The following PITPNA variants were observed in gnomAD, a reference collection of about 807,000 sequenced individuals.
PITPNA encodes phosphatidylinositol transfer protein alpha.
A neutral mutation model predicts 50.3 loss-of-function variants in PITPNA; 13 were observed. The observed-to-expected ratio is 0.26, with a 90% CI of 0.17 to 0.41. The LOEUF (loss-of-function observed/expected upper bound fraction) is 0.41, where lower values mean the gene tolerates loss of function less well. Ranked by LOEUF, PITPNA falls within the 10% of genes least tolerant of loss-of-function variation. The pLI is 1.00. For synonymous variants in PITPNA, 120 were observed against 119.6 expected (o/e 1.00, Z -0.02); for missense variants, 207 against 333.4 (o/e 0.62, Z 2.95).
chr17:1,546,190 A>G (rs1202628707), intron 4 of PITPNA, among the ~76,000 whole-genome samples: 2 of 151,876 alleles, frequency 1.3e-5, no homozygotes, highest in African/African-American at 2.4e-5. Context: ...CAGCCTCTCA[A>G]AGTGCTAGGA....
At chr17:1,541,321 C>T (rs2075646766) in intron 6 of PITPNA, among the ~76,000 whole-genome samples, 1 of 152,064 alleles carries the variant, frequency 6.6e-6, no homozygotes, top group African/African-American at 2.4e-5. Context: ...AGATATAGCT[C>T]CCATGTACCA....
chr17:1,528,085 G>A (rs985198456), intron 10 of PITPNA, among the ~76,000 whole-genome samples: 1 of 152,154 alleles, frequency 6.6e-6, no homozygotes, highest in Admixed American at 6.5e-5. Context: ...CAGCTACTTG[G>A]GAGGCTGAGG....
chr17:1,548,598 C>T (rs564182538), intron 3 of PITPNA, among the ~76,000 whole-genome samples: 33 of 152,234 alleles, frequency 2.2e-4, no homozygotes, highest in African/African-American at 7.5e-4. Flanking sequence ...CCACCAGCCA[C>T]CAGAAACAGG....
intron 10 of PITPNA, 45 bp downstream of exon 10, chr17:1,534,054 C>G: frequency 6.2e-7 from 1 of 1,610,836 alleles, no homozygotes; most frequent in Admixed American, 1.7e-5. Context: ...TCTCCTTAAT[C>G]TTCGTTTGTT....
intron 2 of PITPNA, among the ~76,000 whole-genome samples, chr17:1,557,763 C>T (rs2075743025): frequency 6.6e-6 from 1 of 152,202 alleles, no homozygotes; most frequent in Non-Finnish European, 1.5e-5. Context: ...ATTCCCTGCC[C>T]TTCGTAAAAG....
intron 7 of PITPNA, among the ~76,000 whole-genome samples, chr17:1,537,481 G>A (rs1009632781): frequency 8.5e-5 from 13 of 152,202 alleles, no homozygotes; most frequent in Non-Finnish European, 1.3e-4. Flanking sequence ...TTACAGGCGT[G>A]AGCCAATGTG....
At chr17:1,545,437 T>A (rs894644158) in intron 4 of PITPNA, among the ~76,000 whole-genome samples, 5 of 152,230 alleles carry the variant, frequency 3.3e-5, no homozygotes, top group Non-Finnish European at 7.3e-5. Context: ...CCTGCTGGTA[T>A]CTCTTATTTT....
intron 5 of PITPNA, among the ~76,000 whole-genome samples, chr17:1,542,250 C>T (rs1280448049): frequency 1.3e-5 from 2 of 151,218 alleles, no homozygotes; most frequent in African/African-American, 4.9e-5. Context: ...GGTCTCAAAA[C>T]AGTTTCGTCT....
intron 10 of PITPNA, among the ~76,000 whole-genome samples, chr17:1,533,616 A>G (rs2075597055): frequency 6.6e-6 from 1 of 152,170 alleles, no homozygotes; most frequent in African/African-American, 2.4e-5. Context: ...ATCCACGCCA[A>G]GACCAAAAAA....
intron 6 of PITPNA, 131 bp from the exon 7 acceptor site, chr17:1,539,083 C>G: frequency 1.6e-6 from 1 of 609,718 alleles, no homozygotes; most frequent in Admixed American, 3.0e-5. Flanking sequence ...AGTAATTATA[C>G]AATTACATAC....
chr17:1,537,185 T>A (rs1164093251), intron 7 of PITPNA, among the ~76,000 whole-genome samples: 3 of 152,102 alleles, frequency 2.0e-5, no homozygotes, highest in Non-Finnish European at 4.4e-5. Context: ...TGCCTCAGTC[T>A]CCTAAGTAGC....
rs372017380 is a variant in PITPNA at position 1,538,831 on chromosome 17, C to T, written c.456+38G>A. ...CTTTAGCATTGAGAAGTCATTTCTGCGTCTCGAAGGCCACCCACGTCTTTA... is the reference window on the plus strand; with the variant it reads ...CTTTAGCATTGAGAAGTCATTTCTGTGTCTCGAAGGCCACCCACGTCTTTA... On this transcript the variant is annotated intron_variant, in intron 7 of 11. Coordinates refer to ENST00000313486, the MANE Select transcript of PITPNA (RefSeq NM_006224.4). 13 of 1,313,452 alleles carry T rather than the reference C, an allele frequency of 9.9e-6. 1 individual carries two copies. Among genetic ancestry groups the T allele is most frequent in the South Asian group, 2.4e-5 (2 of 82,338 alleles). 81.4% of individuals were successfully genotyped at this position (1,313,452 alleles called of 1,614,324 possible). A position where few individuals can be genotyped will look rare whatever the true frequency, so the allele number is the denominator to read the frequency against.
At chr17:1,551,605 C>T (rs2075709718) in intron 3 of PITPNA, among the ~76,000 whole-genome samples, 1 of 152,196 alleles carries the variant, frequency 6.6e-6, no homozygotes, top group South Asian at 2.1e-4. Flanking sequence ...CAGGTTCCAT[C>T]TTTCATATGT....
In PITPNA at chr17:1,552,985, C is replaced by A. The variant is rs376091297; in HGVS notation, c.197+19G>T. The stretch of plus-strand genomic sequence containing the variant: ...ACACACAAAAGCCAGCATCCGGCCC[C>A]GCTGCTCATGCCGCATACCTCTGCA... On this transcript the variant is annotated intron_variant, in intron 3 of 11. Transcript: ENST00000313486. 6.2e-7 allele frequency: 1 copy of A among 1,612,850 alleles called. No individual in the cohort carries two copies. Among genetic ancestry groups the A allele is most frequent in the Non-Finnish European group, 8.5e-7 (1 of 1,179,018 alleles).
chr17:1,553,352 C>T (rs1365560611), intron 2 of PITPNA, among the ~76,000 whole-genome samples: 4 of 152,168 alleles, frequency 2.6e-5, no homozygotes, highest in Admixed American at 6.5e-5. Flanking sequence ...ACCCATCAGA[C>T]GTGTTTAGTT....
intron 6 of PITPNA, among the ~76,000 whole-genome samples, chr17:1,540,881 G>C (rs1041724330): frequency 2.0e-5 from 3 of 152,108 alleles, no homozygotes; most frequent in African/African-American, 7.2e-5. Flanking sequence ...CACCGCACCC[G>C]GTCTAACGGG....
At chr17:1,533,297 T>C (rs2075595199) in intron 10 of PITPNA, among the ~76,000 whole-genome samples, 1 of 152,164 alleles carries the variant, frequency 6.6e-6, no homozygotes, top group South Asian at 2.1e-4. Flanking sequence ...CAGAGAGTCC[T>C]GGGCTCTTAC....
chr17:1,534,233 A>T lies in PITPNA; in HGVS notation c.646-12T>A. 1 of 1,613,636 alleles carries T rather than the reference A, an allele frequency of 6.2e-7. No homozygotes were observed. The highest frequency in any genetic ancestry group is 8.5e-7 in the Non-Finnish European group (1 of 1,179,694). ...AGACGCCTCTCTTGCTATAGAAAGG[A>T]GGGAACCACGTTAGAACGCAGAAGG... On this transcript the variant is annotated splice_polypyrimidine_tract_variant and intron_variant, in intron 9 of 11. Transcript: ENST00000313486.
At chr17:1,548,506 G>A in intron 3 of PITPNA, 119 bp from the exon 4 acceptor site, 1 of 674,144 alleles carries the variant, frequency 1.5e-6, no homozygotes, top group South Asian at 2.0e-5. Flanking sequence ...CAATGAGCAG[G>A]TTACTGGTGG....
Sources: gnomAD v4.1 joint callset for allele counts (sites outside exome capture counted in the v4.1 genomes callset) on GRCh38, gnomAD v4.1.1 for gene constraint, MANE v1.5 for transcripts, NCBI Gene and HGNC (gene_info 2026-07-23, HGNC 2026-07-21) for gene names.